GABBR2: variants seen among roughly 807,000 people sequenced by gnomAD.
GABBR2 encodes the protein gamma-aminobutyric acid type B receptor subunit 2, also known as G-protein coupled receptor 51.
In GABBR2, 23 loss-of-function variants were observed where a neutral mutation model predicts 105.6. That is an observed-to-expected ratio of 0.22 (90% CI 0.16 to 0.31). The LOEUF is 0.31. GABBR2 is among the 10% of genes least tolerant of loss of function. The probability of loss-of-function intolerance (pLI) is 1.00; values close to 1 mark genes in which losing one functional copy is unlikely to be tolerated. For synonymous variants in GABBR2, 478 were observed against 499.7 expected, an observed-to-expected ratio of 0.96 and a Z score of 0.58; for missense variants, 734 against 1,245.5, an observed-to-expected ratio of 0.59 and a Z score of 6.18.
Position 98,332,585 on chromosome 9 carries a change from GC to G in GABBR2, c.1894-21381del, listed in dbSNP as rs1218516932. Among the ~76,000 whole-genome samples, 5 of 152,348 alleles carry G rather than the reference GC, an allele frequency of 3.3e-5. No homozygotes were observed. The East Asian group carries it at 9.6e-4, about 29-fold the overall frequency. On this transcript the variant is annotated intron_variant, in intron 13 of 18. Transcript: ENST00000259455. ...ACCTTGTATCATTGTGTTTACAGAT[GC>G]CGCACTGTTCCTCCAAAGCACACAG... is the stretch of plus-strand genomic sequence containing the variant.
chr9:98,476,369 T>G (rs568859804), intron 5 of GABBR2, among the ~76,000 whole-genome samples: 20 of 152,328 alleles, frequency 1.3e-4, no homozygotes, highest in African/African-American at 4.8e-4. Flanking sequence ...GACAAAACTT[T>G]TTCTAACCTA....
rs556312467 is a variant in GABBR2, at chr9:98,343,528, C to G, written c.1893+19187G>C. Among the ~76,000 whole-genome samples, 45 of 152,276 alleles carry G rather than the reference C, an allele frequency of 3.0e-4. No individual in the cohort carries two copies. In the South Asian group the frequency reaches 8.3e-3, roughly 28 times the overall value. ...ACACCATCTGTATGTACTGAGTTTACTTTTGGGGAAAATTATCTCAAATTA... is the reference window on the plus strand; with the variant it reads ...ACACCATCTGTATGTACTGAGTTTAGTTTTGGGGAAAATTATCTCAAATTA... On this transcript the variant is annotated intron_variant, in intron 13 of 18. Coordinates refer to ENST00000259455, the MANE Select transcript of GABBR2 (RefSeq NM_005458.8).
At chr9:98,510,145 C>G (rs1254979898) in intron 3 of GABBR2, among the ~76,000 whole-genome samples, 1 of 152,132 alleles carries the variant, frequency 6.6e-6, no homozygotes, top group Admixed American at 6.6e-5. Flanking sequence ...AATTTTCAAC[C>G]CAGAATTTCA....
chr9:98,344,149 C>T (rs1831263011), intron 13 of GABBR2, among the ~76,000 whole-genome samples: 1 of 152,092 alleles, frequency 6.6e-6, no homozygotes, highest in African/African-American at 2.4e-5. Context: ...GTCCCCTTCT[C>T]TTCTCCATCG....
intron 1 of GABBR2, among the ~76,000 whole-genome samples, chr9:98,641,347 A>G (rs1829959807): frequency 1.3e-5 from 2 of 149,438 alleles, no homozygotes; most frequent in African/African-American, 4.9e-5. Context: ...CATGTTGGTC[A>G]GGCTGGTCTC....
chr9:98,666,803 T>C (rs962275509), intron 1 of GABBR2, among the ~76,000 whole-genome samples: 7 of 152,202 alleles, frequency 4.6e-5, no homozygotes, highest in African/African-American at 1.7e-4. Flanking sequence ...CCATTAATCT[T>C]TCAGCTACAG....
At chr9:98,483,032 G>T (rs144602238) in intron 4 of GABBR2, among the ~76,000 whole-genome samples, 1 of 152,146 alleles carries the variant, frequency 6.6e-6, no homozygotes, top group Non-Finnish European at 1.5e-5. Flanking sequence ...CCCAGCCTCA[G>T]ATTTTCTCCA....
intron 1 of GABBR2, among the ~76,000 whole-genome samples, chr9:98,627,611 A>T (rs1588258930): frequency 6.6e-6 from 1 of 152,376 alleles, no homozygotes; most frequent in East Asian, 1.9e-4. Flanking sequence ...TGAAGTAGTG[A>T]TCGCCCTGTC....
chr9:98,633,993 TGA>T (rs1239961752), intron 1 of GABBR2, among the ~76,000 whole-genome samples: 1 of 152,180 alleles, frequency 6.6e-6, no homozygotes, highest in African/African-American at 2.4e-5. Flanking sequence ...TGGCCACTCC[TGA>T]GAGAGCACAG....
intron 1 of GABBR2, among the ~76,000 whole-genome samples, chr9:98,589,874 C>G (rs59614727): frequency 0.083 from 12,632 of 152,106 alleles, 1,415 homozygotes; most frequent in African/African-American, 0.26. Context: ...ACCACCACCA[C>G]CACACTAATT....
rs546007743 is a variant in GABBR2 at position 98,708,276 on chromosome 9, C to T, written c.321+141G>A. On this transcript the variant is annotated intron_variant, in intron 1 of 18. Transcript: ENST00000259455. Reference sequence around the variant, plus strand: ...CCCAGCAGGACCGCGGGGGTGAACACTGGGCACCAGCCCTCTCTGCCCTCG... The same window carrying T: ...CCCAGCAGGACCGCGGGGGTGAACATTGGGCACCAGCCCTCTCTGCCCTCG... 64 of 852,108 alleles carry T rather than the reference C, an allele frequency of 7.5e-5. No homozygotes were observed. In the African/African-American group the frequency reaches 1.1e-3, roughly 15 times the overall value. The allele number at this position is 852,108 out of a possible 1,614,324, so 52.8% of individuals were successfully genotyped here.
rs1292444571 is a variant in GABBR2 at position 98,297,635 on chromosome 9, ATAAAATAAAGATTTTTCATT to A, written c.2542+1569_2542+1588del. On this transcript the variant is annotated intron_variant, in intron 17 of 18. Coordinates refer to ENST00000259455, the MANE Select transcript of GABBR2 (RefSeq NM_005458.8). ...TCTCAAAAAAATAAAAAATAAATAAATAAAATAAAGATTTTTCATTGATTTAAAATAATATTATAACAAAT... is the reference window on the plus strand; with the variant it reads ...TCTCAAAAAAATAAAAAATAAATAAAGATTTAAAATAATATTATAACAAAT... 2.8e-5 allele frequency among the ~76,000 whole-genome samples: 4 copies of A among 143,944 alleles called. No homozygotes were observed. The East Asian group carries it at 8.0e-4, about 29-fold the overall frequency. 94.4% of individuals were successfully genotyped at this position (143,944 alleles called of 152,430 possible). A position where few individuals can be genotyped will look rare whatever the true frequency, so the allele number is the denominator to read the frequency against.
chr9:98,471,233 G>T (rs757598718), intron 6 of GABBR2, among the ~76,000 whole-genome samples: 9 of 152,144 alleles, frequency 5.9e-5, no homozygotes, highest in Non-Finnish European at 1.2e-4. Flanking sequence ...AAGACCATGC[G>T]GACAGGGATT....
At chr9:98,520,195 G>C (rs559650588) in intron 3 of GABBR2, among the ~76,000 whole-genome samples, 5 of 152,342 alleles carry the variant, frequency 3.3e-5, no homozygotes, top group Admixed American at 3.3e-4. Context: ...TTCATTATCA[G>C]AAATGACAAA....
chr9:98,335,362 C>T (rs888426546), intron 13 of GABBR2, among the ~76,000 whole-genome samples: 2 of 152,170 alleles, frequency 1.3e-5, no homozygotes, highest in African/African-American at 4.8e-5. Flanking sequence ...TCAGCCTTTT[C>T]TTCTTTTACT....
intron 1 of GABBR2, among the ~76,000 whole-genome samples, chr9:98,588,260 T>C (rs1393545010): frequency 6.6e-6 from 1 of 152,240 alleles, no homozygotes; most frequent in Non-Finnish European, 1.5e-5. Flanking sequence ...GAATTAAATA[T>C]ACACTATATT....
chr9:98,404,572 C>T (rs1051626118), intron 8 of GABBR2, among the ~76,000 whole-genome samples: 1 of 152,122 alleles, frequency 6.6e-6, no homozygotes, highest in Non-Finnish European at 1.5e-5. Context: ...AAACACTCGG[C>T]TGCTCAAGAA....
chr9:98,661,569 T>A (rs989046922), intron 1 of GABBR2, among the ~76,000 whole-genome samples: 2 of 151,902 alleles, frequency 1.3e-5, no homozygotes, highest in Admixed American at 6.6e-5. Context: ...CCCAGCTAAT[T>A]TTTGTATTTT....
intron 13 of GABBR2, among the ~76,000 whole-genome samples, chr9:98,317,083 TCAA>T (rs1380812430): frequency 6.6e-6 from 1 of 152,216 alleles, no homozygotes. Flanking sequence ...CGTTAAATAT[TCAA>T]CAGTGGCTTC....
Sources: allele counts gnomAD v4.1 joint callset (sites outside exome capture counted in the v4.1 genomes callset), GRCh38; gene constraint gnomAD v4.1.1; transcripts MANE v1.5; gene names NCBI Gene and HGNC (gene_info 2026-07-23, HGNC 2026-07-21).